Variants in HS3ST3A1 observed in about 807,000 individuals in gnomAD.
The protein encoded by HS3ST3A1 is heparan sulfate glucosamine 3-O-sulfotransferase 3A1.
Under a neutral mutation model 25.7 loss-of-function variants are expected in HS3ST3A1, and 19 were observed. The observed-to-expected ratio is 0.74, with a 90% CI of 0.52 to 1.08. The LOEUF is 1.08. Ranked by LOEUF, HS3ST3A1 falls within the 50% of genes least tolerant of loss-of-function variation. The pLI is 0.00. For synonymous variants in HS3ST3A1, 226 were observed against 278.6 expected (o/e 0.81, Z 1.88); for missense variants, 459 against 594.3 (o/e 0.77, Z 2.37).
chr17:13,593,989 A>C (rs1475874531), intron 1 of HS3ST3A1, among the ~76,000 whole-genome samples: 1 of 152,092 alleles, frequency 6.6e-6, no homozygotes, highest in African/African-American at 2.4e-5. Flanking sequence ...TTGTCTCCCC[A>C]CATCTGGGAT....
At chr17:13,505,810 G>C (rs574615462) in intron 1 of HS3ST3A1, among the ~76,000 whole-genome samples, 1 of 152,180 alleles carries the variant, frequency 6.6e-6, no homozygotes, top group Non-Finnish European at 1.5e-5. Context: ...CAGATCACCA[G>C]GTCAGGAGTT....
intron 1 of HS3ST3A1, among the ~76,000 whole-genome samples, chr17:13,545,637 C>T (rs1298777207): frequency 3.3e-5 from 5 of 152,200 alleles, no homozygotes; most frequent in African/African-American, 1.2e-4. Context: ...ATCACCTCCT[C>T]CACGGAGTCC....
chr17:13,569,254 T>A (rs1194564277), intron 1 of HS3ST3A1, among the ~76,000 whole-genome samples: 2 of 152,208 alleles, frequency 1.3e-5, no homozygotes, highest in Non-Finnish European at 1.5e-5. Flanking sequence ...CTTTGAACTT[T>A]GGCTGGATAT....
Position 13,589,634 on chromosome 17 carries a change from A to G in HS3ST3A1, c.599+10897T>C, listed in dbSNP as rs149639152. 1.3e-3 allele frequency among the ~76,000 whole-genome samples: 196 copies of G among 152,340 alleles called. 1 individual carries two copies. Among genetic ancestry groups the G allele is most frequent in the African/African-American group, 4.4e-3 (183 of 41,582 alleles). On this transcript the variant is annotated intron_variant, in intron 1 of 1. Transcript: ENST00000284110. ...AAACACACAACATTTGACAAAGGAA[A>G]CTACAAGAATAAGTAGAGTTCACCA...
rs191909681 is a variant in HS3ST3A1 at position 13,531,075 on chromosome 17, T to C, written c.600-34257A>G. Among the ~76,000 whole-genome samples the C allele has an allele frequency of 6.6e-4, 100 of 151,522 alleles. 3 individuals are homozygous for C. The highest frequency in any genetic ancestry group is 5.5e-3 in the Admixed American group (84 of 15,244). ...TGTCATCTGAACTCAAGAGAATCCA[T>C]GTATTGCATGAGCTTAAACTTCTTA... On this transcript the variant is annotated intron_variant, in intron 1 of 1. Coordinates refer to ENST00000284110, the MANE Select transcript of HS3ST3A1 (RefSeq NM_006042.3).
At chr17:13,507,129 G>A (rs746391628) in intron 1 of HS3ST3A1, among the ~76,000 whole-genome samples, 1 of 151,556 alleles carries the variant, frequency 6.6e-6, no homozygotes, top group South Asian at 2.1e-4. Context: ...TCATAGTCAT[G>A]GATAGGACTA....
At chr17:13,585,907 T>TG (rs111915993) in intron 1 of HS3ST3A1, among the ~76,000 whole-genome samples, 1 of 137,146 alleles carries the variant, frequency 7.3e-6, no homozygotes, top group African/African-American at 2.9e-5. Flanking sequence ...TGGAGTACAG[T>TG]GGCGCAATCT....
intron 1 of HS3ST3A1, among the ~76,000 whole-genome samples, chr17:13,510,908 C>T (rs760338773): frequency 5.9e-5 from 9 of 152,178 alleles, no homozygotes; most frequent in African/African-American, 1.2e-4. Context: ...TTGTCTCATA[C>T]AGATCAAAAC....
chr17:13,579,512 C>A (rs1340101229), intron 1 of HS3ST3A1, among the ~76,000 whole-genome samples: 1 of 151,718 alleles, frequency 6.6e-6, no homozygotes, highest in Non-Finnish European at 1.5e-5. Context: ...ACCAACCTGG[C>A]CAACATGGTG....
At chr17:13,565,058 C>T (rs1349475567) in intron 1 of HS3ST3A1, among the ~76,000 whole-genome samples, 2 of 152,050 alleles carry the variant, frequency 1.3e-5, no homozygotes, top group African/African-American at 2.4e-5. Flanking sequence ...TTATTTGATG[C>T]TTTCTATGTA....
At chr17:13,542,504 G>T (rs375266255) in intron 1 of HS3ST3A1, among the ~76,000 whole-genome samples, 4 of 151,872 alleles carry the variant, frequency 2.6e-5, no homozygotes, top group Admixed American at 1.3e-4. Context: ...GAGAGGTCGC[G>T]GGAGAGAACA....
At chr17:13,560,870 T>C (rs3785697) in intron 1 of HS3ST3A1, among the ~76,000 whole-genome samples, 53,184 of 151,948 alleles carry the variant, frequency 0.35, 9,624 homozygotes, top group African/African-American at 0.43. Context: ...ATTCCTGAAG[T>C]TTACAGAAGG....
chr17:13,496,647 C>G lies in HS3ST3A1; in HGVS notation c.771G>C (p.Leu257=). The stretch of plus-strand genomic sequence containing the variant: ...AGGTGGGGATGTCGGGCCGCTTGGA[C>G]AGCGTCTGCGTGTAGTCCGAGATGG... ...TRAISDYTQT[L]SKRPDIPTFE... The change falls in exon 2 of 2, where the codon CTG becomes CTC. Residue 257 remains leucine, a synonymous_variant. Coordinates refer to ENST00000284110, the MANE Select transcript of HS3ST3A1 (RefSeq NM_006042.3). 1 of 1,613,542 alleles carries G rather than the reference C, an allele frequency of 6.2e-7. No individual in the cohort carries two copies. The highest frequency in any genetic ancestry group is 8.5e-7 in the Non-Finnish European group (1 of 1,179,846).
At chr17:13,498,765 A>G (rs1394380217) in intron 1 of HS3ST3A1, among the ~76,000 whole-genome samples, 1 of 152,214 alleles carries the variant, frequency 6.6e-6, no homozygotes, top group Non-Finnish European at 1.5e-5. Context: ...CCCAAGCATA[A>G]AAATGGACAA....
At chr17:13,564,026 A>C (rs1907616579) in intron 1 of HS3ST3A1, among the ~76,000 whole-genome samples, 1 of 152,306 alleles carries the variant, frequency 6.6e-6, no homozygotes, top group Admixed American at 6.5e-5. Flanking sequence ...GTGGACCACA[A>C]AGCTGAATTA....
At chr17:13,600,398 CCCTTGACGACCCTTCG>C in intron 1 of HS3ST3A1, 117 bp downstream of exon 1, 1 of 1,385,622 alleles carries the variant, frequency 7.2e-7, no homozygotes, top group Non-Finnish European at 9.3e-7. Flanking sequence ...GGAAGAAAGA[CCCTTGACGACCCTTCG>C]CCTTCTGCAT....
At chr17:13,517,625 T>C (rs1393062456) in intron 1 of HS3ST3A1, among the ~76,000 whole-genome samples, 1 of 152,190 alleles carries the variant, frequency 6.6e-6, no homozygotes, top group African/African-American at 2.4e-5. Flanking sequence ...TGGGAACTAA[T>C]AATCAATTAT....
intron 1 of HS3ST3A1, among the ~76,000 whole-genome samples, chr17:13,504,290 C>G (rs996303995): frequency 6.8e-6 from 1 of 147,026 alleles, no homozygotes; most frequent in African/African-American, 2.5e-5. Flanking sequence ...GCACTCCAGT[C>G]TGGGCGACAG....
chr17:13,533,135 C>A (rs116480070), intron 1 of HS3ST3A1, among the ~76,000 whole-genome samples: 199 of 152,150 alleles, frequency 1.3e-3, no homozygotes, highest in African/African-American at 3.9e-3. Context: ...GAGGGGGGAA[C>A]TGTGTAAAGT....
Sources: allele counts gnomAD v4.1 joint callset (sites outside exome capture counted in the v4.1 genomes callset), GRCh38; gene constraint gnomAD v4.1.1; transcripts MANE v1.5; gene names NCBI Gene and HGNC (gene_info 2026-07-23, HGNC 2026-07-21).